The following PTPN13 variants were observed in gnomAD, a reference collection of about 807,000 sequenced individuals.
The protein encoded by PTPN13 is protein tyrosine phosphatase non-receptor type 13, also known as tyrosine-protein phosphatase non-receptor type 13.
Under a neutral mutation model 284.0 loss-of-function variants are expected in PTPN13, and 191 were observed. The observed-to-expected ratio is 0.67, with a 90% CI of 0.60 to 0.76. The LOEUF is 0.76. Ranked by LOEUF, PTPN13 falls within the 30% of genes least tolerant of loss-of-function variation. PTPN13 has a pLI of 0.00. For missense variants in PTPN13, 2,797 were observed against 2,939.9 expected, an observed-to-expected ratio of 0.95 and a Z score of 1.12; for synonymous variants, 986 against 1,022.3, an observed-to-expected ratio of 0.96 and a Z score of 0.68.
intron 1 of PTPN13, among the ~76,000 whole-genome samples, chr4:86,602,198 A>G (rs746937096): frequency 1.3e-5 from 2 of 152,184 alleles, no homozygotes; most frequent in Non-Finnish European, 2.9e-5. Context: ...GAGAAACAGT[A>G]TAGTATGGTA....
intron 15 of PTPN13, 51 bp from the exon 16 acceptor site, chr4:86,741,583 A>G (rs1264805973): frequency 6.7e-7 from 1 of 1,498,578 alleles, no homozygotes; most frequent in African/African-American, 1.4e-5. Flanking sequence ...CAATATCTTT[A>G]TGTCACCATT....
chr4:86,811,617 T>C (rs547630357), intron 47 of PTPN13, among the ~76,000 whole-genome samples: 3 of 152,296 alleles, frequency 2.0e-5, no homozygotes, highest in Non-Finnish European at 4.4e-5. Context: ...TTTTCGTTTC[T>C]CTTACCTGAA....
At chr4:86,703,061 G>T (rs1490356620) in intron 7 of PTPN13, among the ~76,000 whole-genome samples, 1 of 152,006 alleles carries the variant, frequency 6.6e-6, no homozygotes, top group East Asian at 1.9e-4. Flanking sequence ...GCTTTGCATT[G>T]TTTTTTCAAT....
In PTPN13 at chr4:86,793,009, A is replaced by G. The variant is rs190062886; in HGVS notation, c.6346-3865A>G. On this transcript the variant is annotated intron_variant, in intron 40 of 47. Coordinates refer to ENST00000411767, the MANE Select transcript of PTPN13 (RefSeq NM_080683.3). ...GACAAGATCAAATTCACACATAACA[A>G]TATTAACCGTAAGTGTGTATGGGCT... 1.4e-3 allele frequency among the ~76,000 whole-genome samples: 215 copies of G among 152,160 alleles called. 2 individuals carry two copies. The highest frequency in any genetic ancestry group is 4.9e-3 in the African/African-American group (204 of 41,558).
In PTPN13 at chr4:86,693,654, G is replaced by A. The variant is rs780857816; in HGVS notation, c.614G>A (p.Arg205Gln). 22 of 1,552,686 alleles carry A rather than the reference G, an allele frequency of 1.4e-5. No individual in the cohort carries two copies. The highest frequency in any genetic ancestry group is 7.1e-5 in the East Asian group (3 of 42,112). ...AGCCAGGCTATTCGAGATCGATTGC[G>A]AGGAAAAGGATTACCAACAGGTAAG... is the stretch of plus-strand genomic sequence containing the variant. Reference protein sequence around the residue: ...DRSQAIRDRLRGKGLPTGRSS... With the variant: ...DRSQAIRDRLQGKGLPTGRSS... Residue 205 changes from arginine (R) to glutamine (Q), a missense_variant, in exon 6 of 48, where the codon CGA becomes CAA. Arg to Gln is a conservative substitution (Grantham distance 43). Coordinates refer to ENST00000411767, the MANE Select transcript of PTPN13 (RefSeq NM_080683.3).
chr4:86,807,540 T>C lies in PTPN13; in HGVS notation c.6746-20T>C, dbSNP rs939739941. On this transcript the variant is annotated intron_variant, in intron 44 of 47. Coordinates refer to ENST00000411767, the MANE Select transcript of PTPN13 (RefSeq NM_080683.3). ...AATGCATGATATGGATGGCTCTGTT[T>C]TGTGGTGGAAAATTCACAGATGATG... 1 of 1,572,058 alleles carries C rather than the reference T, an allele frequency of 6.4e-7. No homozygotes were observed. Among genetic ancestry groups the C allele is most frequent in the Non-Finnish European group, 8.7e-7 (1 of 1,153,138 alleles).
chr4:86,718,802 A>G (rs1179590811), intron 9 of PTPN13, among the ~76,000 whole-genome samples: 1 of 152,068 alleles, frequency 6.6e-6, no homozygotes, highest in Non-Finnish European at 1.5e-5. Context: ...GTACTTTTTA[A>G]AATAGTCTAT....
chr4:86,686,497 G>T (rs1446717931), intron 3 of PTPN13, among the ~76,000 whole-genome samples: 1 of 152,186 alleles, frequency 6.6e-6, no homozygotes, highest in Non-Finnish European at 1.5e-5. Flanking sequence ...ATAAAGGATG[G>T]GCTGGGGAAT....
chr4:86,770,200 G>A lies in PTPN13; in HGVS notation c.4803+1G>A. The A allele has an allele frequency of 6.2e-7, 1 of 1,610,622 alleles. No homozygotes were observed. The highest frequency in any genetic ancestry group is 1.1e-5 in the South Asian group (1 of 90,766). On this transcript the variant is annotated splice_donor_variant, in intron 30 of 47. Coordinates refer to ENST00000411767, the MANE Select transcript of PTPN13 (RefSeq NM_080683.3). LOFTEE classifies it high-confidence loss of function. ...ACCGGAAATTGATACTGCGCTTTTG[G>A]TGAGACTTATGAAAAGTAATTTACA...
intron 10 of PTPN13, among the ~76,000 whole-genome samples, chr4:86,722,940 G>A (rs974529730): frequency 1.3e-5 from 2 of 152,100 alleles, no homozygotes; most frequent in East Asian, 3.9e-4. Flanking sequence ...CACATTTACA[G>A]TATCCAAAGA....
Position 86,802,889 on chromosome 4 carries a change from T to C in PTPN13, c.6506-820T>C, listed in dbSNP as rs555761044. ...GAGTTCAGGACCAGCCTGGGCAACA[T>C]AGCAAAACCCCATCTCTACAAAAAA... On this transcript the variant is annotated intron_variant, in intron 42 of 47. Coordinates refer to ENST00000411767, the MANE Select transcript of PTPN13 (RefSeq NM_080683.3). Among the ~76,000 whole-genome samples, 6 of 152,082 alleles carry C rather than the reference T, an allele frequency of 3.9e-5. No homozygotes were observed. In the East Asian group the frequency reaches 1.2e-3, roughly 30 times the overall value.
chr4:86,743,522 C>T (rs921805628), intron 16 of PTPN13, among the ~76,000 whole-genome samples: 1 of 152,096 alleles, frequency 6.6e-6, no homozygotes, highest in Non-Finnish European at 1.5e-5. Flanking sequence ...ACCAGGTATA[C>T]TACTGATAAT....
At chr4:86,671,360 G>T (rs187128812) in intron 2 of PTPN13, among the ~76,000 whole-genome samples, 2 of 152,220 alleles carry the variant, frequency 1.3e-5, no homozygotes, top group Admixed American at 1.3e-4. Flanking sequence ...AATTTATTCA[G>T]ATTGAATAAT....
intron 12 of PTPN13, among the ~76,000 whole-genome samples, chr4:86,733,405 T>C (rs1338506528): frequency 6.6e-6 from 1 of 152,098 alleles, no homozygotes; most frequent in Non-Finnish European, 1.5e-5. Flanking sequence ...TTCAGATTCC[T>C]GTTTACCTCA....
intron 42 of PTPN13, among the ~76,000 whole-genome samples, chr4:86,803,071 T>G (rs1744216144): frequency 6.7e-6 from 1 of 150,302 alleles, no homozygotes; most frequent in African/African-American, 2.5e-5. Flanking sequence ...AGACTGTGTG[T>G]GTGTGTGTGT....
At chr4:86,711,922 T>C (rs1274622777) in intron 7 of PTPN13, among the ~76,000 whole-genome samples, 1 of 152,106 alleles carries the variant, frequency 6.6e-6, no homozygotes, top group East Asian at 1.9e-4. Context: ...ATTCAAGAAT[T>C]TTGGCATTCA....
rs1722212775 is a variant in PTPN13, at chr4:86,629,422, G to A, written c.-5-5830G>A. On this transcript the variant is annotated intron_variant, in intron 1 of 47. Coordinates refer to ENST00000411767, the MANE Select transcript of PTPN13 (RefSeq NM_080683.3). ...GATATCATCTCACACCAGTTAGAAT[G>A]GCAATCATTAAAAAGTCAGGAAACA... Among the ~76,000 whole-genome samples the A allele has an allele frequency of 2.0e-5, 3 of 150,992 alleles. No individual in the cohort carries two copies. The South Asian group carries it at 6.3e-4, about 32-fold the overall frequency.
At chr4:86,810,366 G>C (rs1368968074) in intron 46 of PTPN13, among the ~76,000 whole-genome samples, 1 of 151,786 alleles carries the variant, frequency 6.6e-6, no homozygotes, top group African/African-American at 2.4e-5. Flanking sequence ...TAATGAAAAA[G>C]CTTGTATTTT....
chr4:86,739,417 C>T (rs1446330708), intron 15 of PTPN13, among the ~76,000 whole-genome samples: 1 of 152,092 alleles, frequency 6.6e-6, no homozygotes, highest in East Asian at 1.9e-4. Context: ...TCTCACATGG[C>T]AGCAGACAAG....
Sources: gnomAD v4.1 joint callset for allele counts (sites outside exome capture counted in the v4.1 genomes callset) on GRCh38, gnomAD v4.1.1 for gene constraint, MANE v1.5 for transcripts, NCBI Gene and HGNC (gene_info 2026-07-23, HGNC 2026-07-21) for gene names.